The following GRIA4 variants were observed in gnomAD, a reference collection of about 807,000 sequenced individuals.
The protein encoded by GRIA4 is glutamate receptor 4.
In GRIA4, 34 loss-of-function variants were observed where a neutral mutation model predicts 104.0. The ratio of observed to expected loss-of-function variants is 0.33; its 90% CI spans 0.25 to 0.44. The LOEUF (loss-of-function observed/expected upper bound fraction) is 0.44. Ranked by LOEUF, GRIA4 falls within the 20% of genes least tolerant of loss-of-function variation. The probability of loss-of-function intolerance (pLI) is 1.00; values close to 1 mark genes in which losing one functional copy is unlikely to be tolerated. For missense variants in GRIA4, 750 were observed against 1,096.5 expected, an observed-to-expected ratio of 0.68 and a Z score of 4.46; for synonymous variants, 386 against 381.9, an observed-to-expected ratio of 1.01 and a Z score of -0.13.
At chr11:105,701,512 T>A (rs1020356295) in intron 3 of GRIA4, among the ~76,000 whole-genome samples, 2 of 152,010 alleles carry the variant, frequency 1.3e-5, no homozygotes, top group African/African-American at 4.8e-5. Flanking sequence ...GCACAACACA[T>A]CTACTACGTA....
At position 105,982,057 on chromosome 11, in the gene GRIA4, A is replaced by G. The variant is rs1044121802; in HGVS notation, c.*2318A>G. 1.3e-5 allele frequency: 2 copies of G among 152,600 alleles called. No individual in the cohort carries two copies. Among genetic ancestry groups the G allele is most frequent in the Non-Finnish European group, 1.5e-5 (1 of 68,036 alleles). The allele number at this position is 152,600 out of a possible 1,614,324, so 9.5% of individuals were successfully genotyped here. A position where few individuals can be genotyped will look rare whatever the true frequency, so the allele number is the denominator to read the frequency against. On this transcript the variant is annotated 3_prime_UTR_variant, in exon 17 of 17. Coordinates refer to ENST00000282499, the MANE Select transcript of GRIA4 (RefSeq NM_000829.4). Reference sequence around the variant, plus strand: ...CAGCACCCAGCACAGTGCCTGGCATATTGTAGGTGCTTAATAAATATTTGT... The same window carrying G: ...CAGCACCCAGCACAGTGCCTGGCATGTTGTAGGTGCTTAATAAATATTTGT...
At chr11:105,892,384 A>C (rs943056178) in intron 6 of GRIA4, among the ~76,000 whole-genome samples, 1 of 152,310 alleles carries the variant, frequency 6.6e-6, no homozygotes, top group Non-Finnish European at 1.5e-5. Flanking sequence ...CACCTGGCTC[A>C]ATCATTAAAA....
intron 4 of GRIA4, among the ~76,000 whole-genome samples, chr11:105,786,730 G>A (rs569019426): frequency 2.0e-5 from 3 of 152,178 alleles, no homozygotes; most frequent in Admixed American, 6.5e-5. Flanking sequence ...GCTTAAAAGC[G>A]ATTTTGCTAT....
At chr11:105,639,323 G>A (rs890707424) in intron 3 of GRIA4, among the ~76,000 whole-genome samples, 3 of 152,026 alleles carry the variant, frequency 2.0e-5, no homozygotes, top group Non-Finnish European at 4.4e-5. Context: ...TTTTTAAACA[G>A]AGGGAATTAA....
chr11:105,892,400 T>C (rs1176409776), intron 6 of GRIA4, among the ~76,000 whole-genome samples: 1 of 152,144 alleles, frequency 6.6e-6, no homozygotes, highest in African/African-American at 2.4e-5. Context: ...TAAAAAGATA[T>C]AAAATTACAA....
intron 3 of GRIA4, among the ~76,000 whole-genome samples, chr11:105,733,366 C>T (rs1340022976): frequency 1.3e-5 from 2 of 152,122 alleles, no homozygotes; most frequent in Non-Finnish European, 1.5e-5. Flanking sequence ...TAGACTTCTA[C>T]ATAATATGGA....
chr11:105,656,697 T>A (rs1430050836), intron 3 of GRIA4, among the ~76,000 whole-genome samples: 1 of 152,092 alleles, frequency 6.6e-6, no homozygotes, highest in African/African-American at 2.4e-5. Flanking sequence ...GGTCATAGTA[T>A]TCGTAGTGAA....
At chr11:105,920,178 G>T (rs1302182744) in intron 11 of GRIA4, among the ~76,000 whole-genome samples, 2 of 152,022 alleles carry the variant, frequency 1.3e-5, no homozygotes, top group Non-Finnish European at 2.9e-5. Flanking sequence ...CCATAGGAAA[G>T]AATTGCTGAC....
intron 4 of GRIA4, among the ~76,000 whole-genome samples, chr11:105,829,684 C>T (rs1456015072): frequency 6.6e-6 from 1 of 151,980 alleles, no homozygotes; most frequent in South Asian, 2.1e-4. Flanking sequence ...GTGCTGGTGT[C>T]TGTTTGGGGA....
intron 3 of GRIA4, among the ~76,000 whole-genome samples, chr11:105,742,727 G>A (rs773847195): frequency 6.6e-5 from 10 of 152,044 alleles, no homozygotes; most frequent in Non-Finnish European, 1.3e-4. Flanking sequence ...ATCTAACACA[G>A]TTGTTACTGG....
At chr11:105,728,348 A>G (rs960064455) in intron 3 of GRIA4, among the ~76,000 whole-genome samples, 5 of 152,380 alleles carry the variant, frequency 3.3e-5, no homozygotes, top group African/African-American at 1.2e-4. Flanking sequence ...TATGCACCCA[A>G]TACAGAAGCA....
chr11:105,790,186 C>T (rs1942154045), intron 4 of GRIA4, among the ~76,000 whole-genome samples: 1 of 152,120 alleles, frequency 6.6e-6, no homozygotes, highest in Admixed American at 6.6e-5. Flanking sequence ...TGGGTGGGAA[C>T]TTCTCCAAAT....
chr11:105,697,301 C>T (rs1433702517), intron 3 of GRIA4, among the ~76,000 whole-genome samples: 1 of 151,960 alleles, frequency 6.6e-6, no homozygotes, highest in Non-Finnish European at 1.5e-5. Context: ...CTCTCTTTCT[C>T]TCCAGAAAAA....
chr11:105,852,309 T>C (rs1944840328), intron 4 of GRIA4, among the ~76,000 whole-genome samples: 1 of 152,202 alleles, frequency 6.6e-6, no homozygotes, highest in African/African-American at 2.4e-5. Flanking sequence ...ATCCGCAATC[T>C]ACTTCCCTCA....
intron 4 of GRIA4, among the ~76,000 whole-genome samples, chr11:105,854,064 C>G (rs1311625493): frequency 6.6e-6 from 1 of 152,120 alleles, no homozygotes; most frequent in Non-Finnish European, 1.5e-5. Context: ...TTTATCGAGT[C>G]CCTTTTAGAT....
At chr11:105,920,181 T>C (rs908200087) in intron 11 of GRIA4, among the ~76,000 whole-genome samples, 3 of 152,132 alleles carry the variant, frequency 2.0e-5, no homozygotes, top group Non-Finnish European at 4.4e-5. Context: ...TAGGAAAGAA[T>C]TGCTGACTGC....
chr11:105,641,995 T>A (rs1002391854), intron 3 of GRIA4, among the ~76,000 whole-genome samples: 1 of 152,186 alleles, frequency 6.6e-6, no homozygotes, highest in Non-Finnish European at 1.5e-5. Context: ...GGCTTGTAGA[T>A]GCCATTATCT....
chr11:105,906,460 C>T (rs1947044244), intron 9 of GRIA4, among the ~76,000 whole-genome samples: 1 of 152,020 alleles, frequency 6.6e-6, no homozygotes, highest in African/African-American at 2.4e-5. Context: ...GGGCAACAAC[C>T]GAAGAAAGGC....
At chr11:105,927,722 T>C (rs1045078561) in intron 13 of GRIA4, among the ~76,000 whole-genome samples, 1 of 152,006 alleles carries the variant, frequency 6.6e-6, no homozygotes, top group African/African-American at 2.4e-5. Context: ...AAACCCTTTT[T>C]CTAGTCTTTT....
Sources: allele counts gnomAD v4.1 joint callset (sites outside exome capture counted in the v4.1 genomes callset), GRCh38; gene constraint gnomAD v4.1.1; transcripts MANE v1.5; gene names NCBI Gene and HGNC (gene_info 2026-07-23, HGNC 2026-07-21).